The following TP63 variants were observed in gnomAD, a reference collection of about 807,000 sequenced individuals.
TP63 encodes the protein tumor protein p63.
In TP63, 17 loss-of-function variants were observed where a neutral mutation model predicts 82.8. That is an observed-to-expected ratio of 0.21 (90% CI 0.14 to 0.31). The LOEUF is 0.31. Among genes scored for constraint, TP63 ranks in the 10% least tolerant of loss-of-function variants. The pLI, the probability that TP63 is intolerant of heterozygous loss-of-function variation, is 1.00. For synonymous variants in TP63, 330 were observed against 321.7 expected (o/e 1.03, Z -0.28); for missense variants, 648 against 895.3 (o/e 0.72, Z 3.52).
chr3:189,778,067 C>G (rs1723957152), intron 3 of TP63, among the ~76,000 whole-genome samples: 1 of 151,898 alleles, frequency 6.6e-6, no homozygotes, highest in Non-Finnish European at 1.5e-5. Context: ...TGCTGGTGAA[C>G]TCCAGCCATG....
At chr3:189,795,777 G>A (rs1225253241) in intron 3 of TP63, among the ~76,000 whole-genome samples, 5 of 151,964 alleles carry the variant, frequency 3.3e-5, no homozygotes, top group African/African-American at 9.7e-5. Flanking sequence ...TTCAGAATTC[G>A]AGATTCAAAA....
At chr3:189,881,527 A>G (rs922553734) in intron 10 of TP63, 1 of 984,984 alleles carries the variant, frequency 1.0e-6, no homozygotes, top group Non-Finnish European at 1.2e-6. Flanking sequence ...TGTCTCTCTC[A>G]CTTTTTTTCC....
chr3:189,837,159 G>A (rs554694316), intron 4 of TP63, among the ~76,000 whole-genome samples: 2 of 151,578 alleles, frequency 1.3e-5, no homozygotes, highest in East Asian at 3.9e-4. Context: ...TTTTTGTTTT[G>A]TTTTCCCTTC....
At chr3:189,875,589 CATACATATATATATATATATATATATAT>C (rs1454262009) in intron 10 of TP63, among the ~76,000 whole-genome samples, 489 of 44,426 alleles carry the variant, frequency 0.011, 52 homozygotes, top group African/African-American at 0.045. Context: ...AAAAAAAATA[CATACATATATATATATATATATATATAT>C]ATATATATAT....
At chr3:189,863,672 G>T (rs1717323475) in intron 4 of TP63, among the ~76,000 whole-genome samples, 1 of 152,114 alleles carries the variant, frequency 6.6e-6, no homozygotes, top group Non-Finnish European at 1.5e-5. Flanking sequence ...GCGTTCAAGG[G>T]AGTTCTTGTT....
chr3:189,809,323 A>G (rs1019209424), intron 4 of TP63, among the ~76,000 whole-genome samples: 6 of 152,330 alleles, frequency 3.9e-5, no homozygotes, highest in Non-Finnish European at 8.8e-5. Context: ...ATCTTTCTGT[A>G]TATAACTTTT....
intron 4 of TP63, among the ~76,000 whole-genome samples, chr3:189,817,235 A>G (rs10937415): frequency 0.57 from 86,286 of 151,912 alleles, 25,467 homozygotes; most frequent in Admixed American, 0.7. Context: ...GAATAAGTTG[A>G]GGAGACTATT....
chr3:189,891,789 C>G (rs1417775395), intron 13 of TP63, among the ~76,000 whole-genome samples: 2 of 152,200 alleles, frequency 1.3e-5, no homozygotes, highest in African/African-American at 2.4e-5. Context: ...GCTCTTCATG[C>G]TGCTCTCTTT....
chr3:189,624,320 A>G, the TP63 span, among the ~76,000 whole-genome samples: 1 of 151,760 alleles, frequency 6.6e-6, no homozygotes, highest in Non-Finnish European at 1.5e-5. Flanking sequence ...TGTCACCCCC[A>G]CCCCCATAAC....
At chr3:189,883,529 G>C (rs1181489295) in intron 10 of TP63, among the ~76,000 whole-genome samples, 1 of 152,156 alleles carries the variant, frequency 6.6e-6, no homozygotes, top group Non-Finnish European at 1.5e-5. Context: ...ACATATCAGA[G>C]TGTTAAATAT....
intron 4 of TP63, among the ~76,000 whole-genome samples, chr3:189,842,176 C>A (rs993835994): frequency 6.6e-6 from 1 of 152,050 alleles, no homozygotes; most frequent in African/African-American, 2.4e-5. Context: ...GACAGACATG[C>A]TGCTACTGCA....
intron 13 of TP63, among the ~76,000 whole-genome samples, chr3:189,891,998 C>T (rs988488081): frequency 6.6e-6 from 1 of 152,286 alleles, no homozygotes; most frequent in South Asian, 2.1e-4. Flanking sequence ...CCCCTATGCC[C>T]ACCCCTCTTC....
At chr3:189,603,949 C>T in the TP63 span, among the ~76,000 whole-genome samples, 1 of 152,046 alleles carries the variant, frequency 6.6e-6, no homozygotes, top group African/African-American at 2.4e-5. Context: ...AAAGTTAACA[C>T]TCCAGCCAAG....
At chr3:189,763,107 A>G (rs9821822) in intron 3 of TP63, among the ~76,000 whole-genome samples, 47,326 of 151,876 alleles carry the variant, frequency 0.31, 8,790 homozygotes, top group Non-Finnish European at 0.43. Context: ...CCCTGTCTCT[A>G]TAAACAAAAT....
intron 3 of TP63, among the ~76,000 whole-genome samples, chr3:189,754,646 A>C (rs1254904843): frequency 1.3e-5 from 2 of 152,112 alleles, no homozygotes; most frequent in African/African-American, 4.8e-5. Context: ...TAGAAACAGC[A>C]ATCATTTTCT....
chr3:189,688,251 C>T (rs1372958106), intron 1 of TP63, among the ~76,000 whole-genome samples: 1 of 152,192 alleles, frequency 6.6e-6, no homozygotes, highest in Non-Finnish European at 1.5e-5. Context: ...AAATGAATAA[C>T]TCGAGATGTC....
chr3:189,791,513 T>C (rs1725139746), intron 3 of TP63, among the ~76,000 whole-genome samples: 1 of 152,120 alleles, frequency 6.6e-6, no homozygotes, highest in African/African-American at 2.4e-5. Context: ...TACACAGGTT[T>C]TAGTTTTTCA....
chr3:189,824,608 G>A (rs2108682859), intron 4 of TP63, among the ~76,000 whole-genome samples: 1 of 152,178 alleles, frequency 6.6e-6, no homozygotes, highest in Non-Finnish European at 1.5e-5. Context: ...TTCTCCTTAG[G>A]GTGGCTGCTG....
chr3:189,798,169 G>T (rs1249900405), intron 3 of TP63, among the ~76,000 whole-genome samples: 1 of 151,994 alleles, frequency 6.6e-6, no homozygotes, highest in South Asian at 2.1e-4. Flanking sequence ...CTTCACCTAG[G>T]AATATATGGT....
Sources: gnomAD v4.1 joint callset for allele counts (sites outside exome capture counted in the v4.1 genomes callset) on GRCh38, gnomAD v4.1.1 for gene constraint, MANE v1.5 for transcripts, NCBI Gene and HGNC (gene_info 2026-07-23, HGNC 2026-07-21) for gene names.